The following TENM4 variants were observed in gnomAD, a reference collection of about 807,000 sequenced individuals.
TENM4 encodes teneurin transmembrane protein 4, also known as teneurin-4.
Under a neutral mutation model 243.3 loss-of-function variants are expected in TENM4, and 82 were observed. The observed-to-expected ratio is 0.34, with a 90% CI of 0.28 to 0.40. The LOEUF is 0.40. TENM4 is among the 10% of genes least tolerant of loss of function. TENM4 has a pLI of 1.00. For missense variants in TENM4, 3,138 were observed against 3,673.3 expected (o/e 0.85, Z 3.77); for synonymous variants, 1,412 against 1,456.3 (o/e 0.97, Z 0.69).
chr11:79,198,933 CA>C (rs1863688541), intron 3 of TENM4, among the ~76,000 whole-genome samples: 1 of 152,136 alleles, frequency 6.6e-6, no homozygotes, highest in Non-Finnish European at 1.5e-5. Context: ...GAGGAAGCAA[CA>C]TGAATTGAAA....
At chr11:79,333,973 A>T (rs190558597) in intron 1 of TENM4, among the ~76,000 whole-genome samples, 4 of 152,238 alleles carry the variant, frequency 2.6e-5, no homozygotes, top group African/African-American at 7.2e-5. Context: ...ATTGCTGTGG[A>T]CTATTGTCTT....
At chr11:79,131,286 G>A (rs957834086) in intron 4 of TENM4, among the ~76,000 whole-genome samples, 34 of 152,168 alleles carry the variant, frequency 2.2e-4, no homozygotes, top group African/African-American at 7.5e-4. Context: ...ACAGAAACAC[G>A]AGGTAACCTA....
chr11:78,688,706 C>T (rs551473522), intron 28 of TENM4, among the ~76,000 whole-genome samples: 1 of 152,210 alleles, frequency 6.6e-6, no homozygotes, highest in South Asian at 2.1e-4. Context: ...GGAGCTATTA[C>T]CCAGGGGTTT....
At chr11:79,331,613 G>T (rs1212657152) in intron 1 of TENM4, among the ~76,000 whole-genome samples, 3 of 149,490 alleles carry the variant, frequency 2.0e-5, no homozygotes, top group Non-Finnish European at 4.5e-5. Context: ...AGGAGACTGT[G>T]GGAGGAAAAC....
chr11:79,316,147 TGA>T lies in TENM4; in HGVS notation c.-320-18606_-320-18605del, dbSNP rs561419181. Among the ~76,000 whole-genome samples the T allele has an allele frequency of 1.1e-4, 17 of 152,252 alleles. 1 individual carries two copies. The East Asian group carries it at 2.5e-3, about 22-fold the overall frequency. On this transcript the variant is annotated intron_variant, in intron 1 of 33. Coordinates refer to ENST00000278550, the MANE Select transcript of TENM4 (RefSeq NM_001098816.3). Reference sequence around the variant, plus strand: ...TTTTATCCAGTATCTCCCAGGATTCTGAGACAGGAGAGGAAGCAGATAGTGGG... The same window carrying T: ...TTTTATCCAGTATCTCCCAGGATTCTGACAGGAGAGGAAGCAGATAGTGGG...
At chr11:79,394,602 G>T (rs577150343) in intron 1 of TENM4, among the ~76,000 whole-genome samples, 1 of 151,832 alleles carries the variant, frequency 6.6e-6, no homozygotes, top group Non-Finnish European at 1.5e-5. Context: ...GAACTACTGA[G>T]AGTTGAATCA....
intron 3 of TENM4, among the ~76,000 whole-genome samples, chr11:79,168,573 G>A (rs1176502280): frequency 1.3e-5 from 2 of 152,168 alleles, no homozygotes; most frequent in Non-Finnish European, 2.9e-5. Flanking sequence ...TCACACTCTG[G>A]CTCCTGGCAT....
chr11:78,672,411 C>G (rs1858355308), intron 30 of TENM4, 82 bp from the exon 31 acceptor site: 2 of 1,470,948 alleles, frequency 1.4e-6, no homozygotes, highest in African/African-American at 1.4e-5. Flanking sequence ...GCTCTCAGCT[C>G]TGCTGGGAAG....
intron 2 of TENM4, among the ~76,000 whole-genome samples, chr11:79,279,145 G>T (rs138508712): frequency 6.4e-4 from 98 of 152,286 alleles, no homozygotes; most frequent in African/African-American, 2.3e-3. Context: ...CCACATTAGG[G>T]ACTCCTTGGC....
chr11:79,007,419 T>A (rs1369422902), intron 6 of TENM4, among the ~76,000 whole-genome samples: 7 of 152,104 alleles, frequency 4.6e-5, no homozygotes, highest in Non-Finnish European at 7.4e-5. Context: ...CAAAGCTGAC[T>A]GGGGGCTAAG....
chr11:79,416,199 C>T (rs1203881522), intron 1 of TENM4, among the ~76,000 whole-genome samples: 1 of 152,226 alleles, frequency 6.6e-6, no homozygotes, highest in Non-Finnish European at 1.5e-5. Context: ...GTGCCTCAAA[C>T]ATTCTTGTAC....
intron 3 of TENM4, among the ~76,000 whole-genome samples, chr11:79,169,236 A>T (rs112546898): frequency 0.015 from 2,355 of 152,314 alleles, 56 homozygotes; most frequent in African/African-American, 0.054. Flanking sequence ...GTTTTAAAAC[A>T]TCAAGTTTTG....
intron 15 of TENM4, among the ~76,000 whole-genome samples, chr11:78,799,975 G>A (rs1857248938): frequency 6.6e-6 from 1 of 152,124 alleles, no homozygotes; most frequent in African/African-American, 2.4e-5. Context: ...TGGGGGTAAG[G>A]GTGGGGAAGG....
At chr11:79,239,728 C>G (rs754911890) in intron 2 of TENM4, among the ~76,000 whole-genome samples, 5 of 152,182 alleles carry the variant, frequency 3.3e-5, no homozygotes, top group Non-Finnish European at 7.3e-5. Flanking sequence ...TCCTGGGGCA[C>G]TCTGCGGAGT....
intron 2 of TENM4, among the ~76,000 whole-genome samples, chr11:79,284,169 C>G (rs1184328058): frequency 6.6e-6 from 1 of 152,164 alleles, no homozygotes; most frequent in African/African-American, 2.4e-5. Context: ...CTACCAAAAT[C>G]TCAGCTGGAT....
intron 2 of TENM4, among the ~76,000 whole-genome samples, chr11:79,287,299 T>G (rs535821049): frequency 6.6e-6 from 1 of 152,272 alleles, no homozygotes; most frequent in African/African-American, 2.4e-5. Context: ...GAAGATGGAA[T>G]AGGTGAAGTA....
At chr11:79,197,299 G>T (rs1863649631) in intron 3 of TENM4, among the ~76,000 whole-genome samples, 1 of 151,988 alleles carries the variant, frequency 6.6e-6, no homozygotes, top group East Asian at 1.9e-4. Flanking sequence ...GAGGAATTAA[G>T]CTGAGCTTCC....
intron 2 of TENM4, among the ~76,000 whole-genome samples, chr11:79,282,004 T>G (rs1307702411): frequency 6.6e-6 from 1 of 152,248 alleles, no homozygotes; most frequent in Non-Finnish European, 1.5e-5. Flanking sequence ...CAGATTCCTA[T>G]GCATCTTTCA....
intron 2 of TENM4, among the ~76,000 whole-genome samples, chr11:79,292,815 T>C (rs1199917519): frequency 6.6e-6 from 1 of 152,266 alleles, no homozygotes; most frequent in Non-Finnish European, 1.5e-5. Context: ...GCTTTAATAA[T>C]AGTATCTATC....
Sources: gnomAD v4.1 joint callset for allele counts (sites outside exome capture counted in the v4.1 genomes callset) on GRCh38, gnomAD v4.1.1 for gene constraint, MANE v1.5 for transcripts, NCBI Gene and HGNC (gene_info 2026-07-23, HGNC 2026-07-21) for gene names.